Variants in PIK3C2B observed in about 807,000 individuals in gnomAD.
The protein encoded by PIK3C2B is phosphatidylinositol-4-phosphate 3-kinase catalytic subunit type 2 beta, also known as phosphatidylinositol 4-phosphate 3-kinase C2 domain-containing subunit beta.
PIK3C2B carries 83 observed loss-of-function variants against 184.3 expected under a neutral mutation model. The observed-to-expected ratio is 0.45, with a 90% confidence interval of 0.38 to 0.54. The LOEUF (loss-of-function observed/expected upper bound fraction) is 0.54, where lower values mean the gene tolerates loss of function less well. Among genes scored for constraint, PIK3C2B ranks in the 20% least tolerant of loss-of-function variants. The pLI is 0.00. For missense variants in PIK3C2B, 1,736 were observed against 2,113.5 expected, an observed-to-expected ratio of 0.82 and a Z score of 3.50; for synonymous variants, 779 against 837.6, an observed-to-expected ratio of 0.93 and a Z score of 1.21.
intron 17 of PIK3C2B, 58 bp from the exon 18 acceptor site, chr1:204,444,220 C>T: frequency 7.0e-7 from 1 of 1,430,774 alleles, no homozygotes; most frequent in Non-Finnish European, 9.9e-7. Context: ...CTGTAACCTA[C>T]ACTTATTATT....
intron 9 of PIK3C2B, 31 bp downstream of exon 9, chr1:204,457,696 CT>C: frequency 6.4e-7 from 1 of 1,572,008 alleles, no homozygotes; most frequent in Non-Finnish European, 8.6e-7. Flanking sequence ...CCCTCTCTTC[CT>C]TTCCCCTGCT....
rs1003651522 is a variant in PIK3C2B at position 204,424,108 on chromosome 1, C to A, written c.*744G>T. ...AGAGCATGGGTCCCTGAATACGGGT[C>A]CTTGGCAGAACCCCAATACGGAAGG... is the stretch of plus-strand genomic sequence containing the variant. On this transcript the variant is annotated 3_prime_UTR_variant, in exon 33 of 33. Transcript: ENST00000684373. 6.5e-6 allele frequency: 1 copy of A among 153,108 alleles called. No individual in the cohort carries two copies. Among genetic ancestry groups the A allele is most frequent in the African/African-American group, 2.4e-5 (1 of 41,392 alleles). 9.5% of individuals were successfully genotyped at this position (153,108 alleles called of 1,614,324 possible).
chr1:204,428,034 G>GAGGC, intron 30 of PIK3C2B, 105 bp downstream of exon 30: 1 of 699,032 alleles, frequency 1.4e-6, no homozygotes, highest in East Asian at 2.6e-5. Context: ...AAAGGAACAG[G>GAGGC]AGGCAAGTCA....
Position 204,433,164 on chromosome 1 carries a change from G to T in PIK3C2B, c.3953+152C>A. The T allele has an allele frequency of 1.8e-6, 1 of 549,276 alleles. No individual in the cohort carries two copies. Among genetic ancestry groups the T allele is most frequent in the Non-Finnish European group, 3.3e-6 (1 of 307,132 alleles). 34.0% of individuals were successfully genotyped at this position (549,276 alleles called of 1,614,324 possible). On this transcript the variant is annotated intron_variant, in intron 26 of 32. Transcript: ENST00000684373. This position sits in a 1 kb window ranked among gnomAD's most constrained non-coding sequence, Gnocchi z 5.0. ...GCAAAATGATTTACCTAAATCACGG[G>T]CAAAGTTGGGACAATGTATCCACGT...
rs1488096502 is a variant in PIK3C2B, at chr1:204,465,294, G to A, written c.959C>T (p.Ala320Val). The change falls in exon 3 of 33, where the codon GCC becomes GTC. Residue 320 changes from alanine to valine, a missense_variant. Physicochemically the swap from Ala to Val is moderately conservative, Grantham distance 64 (BLOSUM62 0). Around this residue, in one of 8 missense-constraint regions of PIK3C2B, gnomAD observed 404 missense variants for 418.0 expected, o/e 0.97. Coordinates refer to ENST00000684373, the MANE Select transcript of PIK3C2B (RefSeq NM_001377334.1). ...GACCTCAAACAACTCATGGCCATTG[G>A]CAACAGTGTGGGGCCGGGAGCCCAC... Reference protein sequence around the residue: ...APVGSRPHTVANGHELFEVSE... With the variant: ...APVGSRPHTVVNGHELFEVSE... 3.7e-6 allele frequency: 6 copies of A among 1,613,308 alleles called. No homozygotes were observed. The highest frequency in any genetic ancestry group is 5.1e-6 in the Non-Finnish European group (6 of 1,179,362).
intron 9 of PIK3C2B, among the ~76,000 whole-genome samples, 184 bp from the exon 10 acceptor site, chr1:204,457,254 C>G (rs1654949815): frequency 6.6e-6 from 1 of 152,104 alleles, no homozygotes; most frequent in African/African-American, 2.4e-5. Flanking sequence ...ACAGAGTGAG[C>G]TGACGGAGGA....
At chr1:204,441,428 C>T in intron 21 of PIK3C2B, 43 bp downstream of exon 21, 2 of 1,368,986 alleles carry the variant, frequency 1.5e-6, no homozygotes, top group Non-Finnish European at 2.1e-6. Flanking sequence ...GCCTCCTTCT[C>T]TCTCCCACCC....
At chr1:204,434,755 TTCA>T (rs1318643989) in intron 23 of PIK3C2B, 147 bp from the exon 24 acceptor site, 8 of 610,864 alleles carry the variant, frequency 1.3e-5, no homozygotes, top group Non-Finnish European at 2.0e-5. Context: ...CTGTTCATCC[TTCA>T]TCATGTACTA....
chr1:204,480,029 G>A (rs6692377), intron 1 of PIK3C2B, among the ~76,000 whole-genome samples: 69,630 of 152,100 alleles, frequency 0.46, 16,907 homozygotes, highest in Non-Finnish European at 0.52. Context: ...CGGCGGGGCC[G>A]GGCTAACCCA....
chr1:204,491,535 C>T (rs773757235), intron 1 of PIK3C2B, among the ~76,000 whole-genome samples: 17 of 152,106 alleles, frequency 1.1e-4, no homozygotes, highest in Non-Finnish European at 1.6e-4. Context: ...TCTACAAAAA[C>T]TTAAAAAATT....
intron 1 of PIK3C2B, among the ~76,000 whole-genome samples, chr1:204,482,628 T>C (rs757582117): frequency 1.1e-4 from 17 of 151,784 alleles, no homozygotes; most frequent in Non-Finnish European, 2.4e-4. Flanking sequence ...CCACCAAAAA[T>C]ACAAAAATTA....
At chr1:204,471,036 T>G in intron 1 of PIK3C2B, among the ~76,000 whole-genome samples, 1 of 152,244 alleles carries the variant, frequency 6.6e-6, no homozygotes, top group Admixed American at 6.5e-5. Context: ...GTGATGAATA[T>G]GTTCATTATC....
intron 1 of PIK3C2B, among the ~76,000 whole-genome samples, chr1:204,481,558 A>C (rs1481944283): frequency 2.0e-5 from 3 of 152,172 alleles, no homozygotes; most frequent in African/African-American, 7.2e-5. Context: ...CGCCGAGGTC[A>C]CATTCTTAGT....
chr1:204,443,660 GA>G (rs1653578966), intron 18 of PIK3C2B, 63 bp from the exon 19 acceptor site: 2 of 1,483,918 alleles, frequency 1.3e-6, no homozygotes, highest in Admixed American at 1.7e-5. Flanking sequence ...GGTACAGGGG[GA>G]GACAGAGTCA....
Position 204,480,586 on chromosome 1 carries a change from G to A in PIK3C2B, c.-84-10700C>T, listed in dbSNP as rs114814197. On this transcript the variant is annotated intron_variant, in intron 1 of 32. Transcript: ENST00000684373. ...ACACACATAAGAGTAGAGGAGGCAG[G>A]GCCAGCAGCTCCCAGGTGGTGGTGC... Among the ~76,000 whole-genome samples the A allele has an allele frequency of 6.2e-3, 943 of 152,178 alleles. 11 individuals are homozygous for A. The highest frequency in any genetic ancestry group is 0.022 in the African/African-American group (903 of 41,508).
intron 23 of PIK3C2B, among the ~76,000 whole-genome samples, chr1:204,436,659 CATTT>C (rs1675361128): frequency 6.6e-6 from 1 of 152,188 alleles, no homozygotes; most frequent in Non-Finnish European, 1.5e-5. Flanking sequence ...TTCTTCTGTA[CATTT>C]ATTTTTATTA....
At position 204,433,515 on chromosome 1, in the gene PIK3C2B, T is replaced by C. The variant is rs1251430593; in HGVS notation, c.3844-90A>G. 3.5e-6 allele frequency: 3 copies of C among 868,210 alleles called. No homozygotes were observed. The Admixed American group carries it at 5.9e-5, about 17-fold the overall frequency. 53.8% of individuals were successfully genotyped at this position (868,210 alleles called of 1,614,324 possible). Reference sequence around the variant, plus strand: ...ACCCTTAGGCAAGGTTTTCTACAGCTAGGCTCCCTAACCCTTCTAGAGGGT... The same window carrying C: ...ACCCTTAGGCAAGGTTTTCTACAGCCAGGCTCCCTAACCCTTCTAGAGGGT... On this transcript the variant is annotated intron_variant, in intron 25 of 32. Transcript: ENST00000684373. The surrounding 1 kb of genome is among the most constrained non-coding windows in gnomAD (Gnocchi z 5.0).
chr1:204,466,184 T>C (rs1382094173), intron 2 of PIK3C2B, among the ~76,000 whole-genome samples: 1 of 152,014 alleles, frequency 6.6e-6, no homozygotes, highest in Non-Finnish European at 1.5e-5. Context: ...GCATGACAGG[T>C]TTCTGCCTGA....
chr1:204,485,360 T>A (rs775461429), intron 1 of PIK3C2B, among the ~76,000 whole-genome samples: 1 of 152,082 alleles, frequency 6.6e-6, no homozygotes, highest in Non-Finnish European at 1.5e-5. Context: ...CACCAAAAAA[T>A]TTGTTATTCC....
Sources: gnomAD v4.1 joint callset for allele counts (sites outside exome capture counted in the v4.1 genomes callset) on GRCh38, gnomAD v4.1.1 for gene constraint, gnomAD v4.1.1 regional missense constraint, Gnocchi (gnomAD v3.1) non-coding constraint, MANE v1.5 for transcripts, NCBI Gene and HGNC (gene_info 2026-07-23, HGNC 2026-07-21) for gene names.